PROX1: variants seen among roughly 807,000 people sequenced by gnomAD.
The protein encoded by PROX1 is prospero homeobox 1.
Under a neutral mutation model 58.8 loss-of-function variants are expected in PROX1, and 7 were observed. The ratio of observed to expected loss-of-function variants is 0.12; its 90% confidence interval spans 0.07 to 0.22. The LOEUF (loss-of-function observed/expected upper bound fraction) is 0.22, where lower values mean the gene tolerates loss of function less well. Among genes scored for constraint, PROX1 ranks in the 10% least tolerant of loss-of-function variants. PROX1 has a pLI of 1.00. For synonymous variants in PROX1, 350 were observed against 358.3 expected (o/e 0.98, Z 0.26); for missense variants, 675 against 927.8 (o/e 0.73, Z 3.54).
chr1:214,038,652 T>A lies in PROX1; in HGVS notation c.*2818T>A, dbSNP rs968873386. On this transcript the variant is annotated 3_prime_UTR_variant, in exon 5 of 5. Transcript: ENST00000366958. Reference sequence around the variant, plus strand: ...ACCTAAAATGCACCAGCGGGGGGGATTTTAAAAAATCCTTCAAAATACCAG... The same window carrying A: ...ACCTAAAATGCACCAGCGGGGGGGAATTTAAAAAATCCTTCAAAATACCAG... The A allele has an allele frequency of 6.6e-6, 1 of 152,188 alleles. No homozygotes were observed. The highest frequency in any genetic ancestry group is 1.5e-5 in the Non-Finnish European group (1 of 68,026). The allele number at this position is 152,188 out of a possible 1,614,324, so 9.4% of individuals were successfully genotyped here. A position where few individuals can be genotyped will look rare whatever the true frequency, so the allele number is the denominator to read the frequency against.
chr1:214,030,254 G>T (rs557573591), intron 4 of PROX1: 5 of 152,342 alleles, frequency 3.3e-5, no homozygotes, highest in African/African-American at 1.2e-4. Context: ...TACTAGGCAG[G>T]ATTGTACTTT....
At chr1:213,987,099 T>A (rs960279095), upstream of PROX1, among the ~76,000 whole-genome samples, 1 of 152,340 alleles carries the variant, frequency 6.6e-6, no homozygotes, top group East Asian at 1.9e-4. Context: ...AATCGCCAGA[T>A]GTTTGCAACA....
At position 214,024,352 on chromosome 1, in the gene PROX1, G is replaced by T. The variant is rs1664382082; in HGVS notation, c.2029-11297G>T. Among the ~76,000 whole-genome samples, 3 of 152,286 alleles carry T rather than the reference G, an allele frequency of 2.0e-5. No individual in the cohort carries two copies. In the South Asian group the frequency reaches 6.2e-4, roughly 32 times the overall value. ...AATACAGAATAGAATTTCTCTGACAGAACAAAGATCTTGCAGTCAAAACCA... is the reference window on the plus strand; with the variant it reads ...AATACAGAATAGAATTTCTCTGACATAACAAAGATCTTGCAGTCAAAACCA... On this transcript the variant is annotated intron_variant, in intron 4 of 4. Transcript: ENST00000366958.
chr1:214,031,734 T>G (rs1201633331), intron 4 of PROX1, among the ~76,000 whole-genome samples: 2 of 152,194 alleles, frequency 1.3e-5, no homozygotes, highest in Non-Finnish European at 2.9e-5. Flanking sequence ...AAGACTGGTT[T>G]CTAAGATGCT....
chr1:214,000,069 C>G (rs909314795), intron 2 of PROX1, among the ~76,000 whole-genome samples: 15 of 151,220 alleles, frequency 9.9e-5, no homozygotes, highest in South Asian at 4.2e-4. Flanking sequence ...CACACACAGA[C>G]ACACACACAC....
In PROX1 at chr1:214,039,067, TAAA is replaced by T. The variant is rs1265035565; in HGVS notation, c.*3235_*3237del. The T allele has an allele frequency of 6.6e-6, 1 of 152,186 alleles. No homozygotes were observed. The highest frequency in any genetic ancestry group is 1.5e-5 in the Non-Finnish European group (1 of 68,030). The allele number at this position is 152,186 out of a possible 1,614,324, so 9.4% of individuals were successfully genotyped here. On this transcript the variant is annotated 3_prime_UTR_variant, in exon 5 of 5. Coordinates refer to ENST00000366958, the MANE Select transcript of PROX1 (RefSeq NM_001270616.2). ...ATATGTGTGCGCAGATGTGTGAACA[TAAA>T]ATCACATACACACATATACACACAT...
rs571914524 is a variant in PROX1 at position 214,037,047 on chromosome 1, T to G, written c.*1213T>G. 1 of 152,344 alleles carries G rather than the reference T, an allele frequency of 6.6e-6. No homozygotes were observed. The highest frequency in any genetic ancestry group is 1.9e-4 in the East Asian group (1 of 5,188). 9.4% of individuals were successfully genotyped at this position (152,344 alleles called of 1,614,324 possible). On this transcript the variant is annotated 3_prime_UTR_variant, in exon 5 of 5. Coordinates refer to ENST00000366958, the MANE Select transcript of PROX1 (RefSeq NM_001270616.2). ...TTGACCAAAATGTGAGAAGAGTGTA[T>G]AGCATAGGAAAATTTGGGGTTAACC... is the stretch of plus-strand genomic sequence containing the variant.
chr1:213,990,974 G>A (rs1477495822), intron 1 of PROX1, among the ~76,000 whole-genome samples: 1 of 152,172 alleles, frequency 6.6e-6, no homozygotes, highest in Non-Finnish European at 1.5e-5. Flanking sequence ...TACATGAGAA[G>A]GTAACTGTGC....
chr1:214,009,913 C>T (rs1663849015), intron 3 of PROX1, among the ~76,000 whole-genome samples: 1 of 152,020 alleles, frequency 6.6e-6, no homozygotes, highest in Admixed American at 6.6e-5. Context: ...AACAGTAAGC[C>T]GTCACGGGGG....
chr1:214,028,570 A>G (rs1278469726), intron 4 of PROX1, among the ~76,000 whole-genome samples: 1 of 152,240 alleles, frequency 6.6e-6, no homozygotes, highest in Admixed American at 6.5e-5. Flanking sequence ...GCAGACATTT[A>G]TTAATCACAG....
Position 213,988,195 on chromosome 1 carries a change from C to T in PROX1, c.-356C>T, listed in dbSNP as rs1486849696. The stretch of plus-strand genomic sequence containing the variant: ...CCCTTAGCTCCTCTTCTTTTCTTCT[C>T]CTCTTCTTCCCTCTCCTCGCCTCTC... On this transcript the variant is annotated 5_prime_UTR_variant, in exon 1 of 5. Coordinates refer to ENST00000366958, the MANE Select transcript of PROX1 (RefSeq NM_001270616.2). 2.0e-5 allele frequency: 3 copies of T among 152,380 alleles called. No homozygotes were observed. In the East Asian group the frequency reaches 5.8e-4, roughly 30 times the overall value. 9.4% of individuals were successfully genotyped at this position (152,380 alleles called of 1,614,324 possible). A position where few individuals can be genotyped will look rare whatever the true frequency, so the allele number is the denominator to read the frequency against.
At chr1:214,007,602 T>C (rs945018692) in intron 3 of PROX1, among the ~76,000 whole-genome samples, 1 of 152,198 alleles carries the variant, frequency 6.6e-6, no homozygotes, top group African/African-American at 2.4e-5. Flanking sequence ...TGGCAGAGCA[T>C]TCTGGGATTT....
chr1:213,989,417 G>A (rs1281958979), intron 1 of PROX1, among the ~76,000 whole-genome samples: 1 of 152,040 alleles, frequency 6.6e-6, no homozygotes, highest in Non-Finnish European at 1.5e-5. Flanking sequence ...GGGTTCTTGG[G>A]CAGCAGAAAT....
chr1:213,998,316 G>T (rs1663363231), intron 2 of PROX1, 56 bp downstream of exon 2: 3 of 1,507,216 alleles, frequency 2.0e-6, no homozygotes, highest in South Asian at 1.4e-5. Context: ...TTTCCCAAAA[G>T]GTTGGGTTTA....
intron 4 of PROX1, among the ~76,000 whole-genome samples, chr1:214,013,936 G>T (rs1451706156): frequency 6.6e-6 from 1 of 152,162 alleles, no homozygotes; most frequent in Non-Finnish European, 1.5e-5. Context: ...GCAGGACCAT[G>T]CAGTGTGTCC....
chr1:214,035,711 C>T lies in PROX1; in HGVS notation c.2091C>T (p.Ile697=), dbSNP rs1289620465. ...ITLREFFNAI[I]AGKDVDPSWK... is the part of the protein sequence containing the mutation. ...TACGGGAGTTTTTCAATGCCATTAT[C>T]GCAGGCAAAGATGTTGATCCTTCCT... Residue 697 remains isoleucine, a synonymous_variant, in exon 5 of 5, where the codon ATC becomes ATT. Transcript: ENST00000366958. The T allele has an allele frequency of 5.6e-6, 9 of 1,613,754 alleles. No homozygotes were observed. Among genetic ancestry groups the T allele is most frequent in the East Asian group, 4.5e-5 (2 of 44,876 alleles).
At chr1:214,019,274 A>C (rs1446590161) in intron 4 of PROX1, among the ~76,000 whole-genome samples, 1 of 151,196 alleles carries the variant, frequency 6.6e-6, no homozygotes, top group Non-Finnish European at 1.5e-5. Flanking sequence ...TATGTTGTGC[A>C]TTTTCTTTGC....
At chr1:214,009,286 G>A (rs1236462697) in intron 3 of PROX1, among the ~76,000 whole-genome samples, 1 of 152,158 alleles carries the variant, frequency 6.6e-6, no homozygotes, top group African/African-American at 2.4e-5. Context: ...CGTACACTGT[G>A]GAAACACAGC....
At position 213,988,225 on chromosome 1, in the gene PROX1, GCTC is replaced by G. The variant is rs1662879265; in HGVS notation, c.-322_-320del. On this transcript the variant is annotated 5_prime_UTR_variant, in exon 1 of 5. Coordinates refer to ENST00000366958, the MANE Select transcript of PROX1 (RefSeq NM_001270616.2). ...TCTTCCCTCTCCTCGCCTCTCCCCT[GCTC>G]CTCTTCTCTCGTCTCCCCTCCCCTC... The G allele has an allele frequency of 6.7e-6, 1 of 149,964 alleles. No individual in the cohort carries two copies. Among genetic ancestry groups the G allele is most frequent in the South Asian group, 2.1e-4 (1 of 4,662 alleles). 9.3% of individuals were successfully genotyped at this position (149,964 alleles called of 1,614,324 possible). A position where few individuals can be genotyped will look rare whatever the true frequency, so the allele number is the denominator to read the frequency against.
Sources: gnomAD v4.1 joint callset for allele counts (sites outside exome capture counted in the v4.1 genomes callset) on GRCh38, gnomAD v4.1.1 for gene constraint, MANE v1.5 for transcripts, NCBI Gene and HGNC (gene_info 2026-07-23, HGNC 2026-07-21) for gene names.